Variants in GABRB2 observed in about 807,000 individuals in gnomAD.
GABRB2 encodes gamma-aminobutyric acid type A receptor subunit beta2.
GABRB2 carries 16 observed loss-of-function variants against 54.7 expected under a neutral mutation model. The observed-to-expected ratio is 0.29, with a 90% CI of 0.20 to 0.44. The LOEUF is 0.44. GABRB2 is among the 20% of genes least tolerant of loss of function. GABRB2 has a pLI of 1.00. For synonymous variants in GABRB2, 244 were observed against 233.8 expected (o/e 1.04, Z -0.40); for missense variants, 355 against 644.0 (o/e 0.55, Z 4.86).
chr5:161,454,741 C>G (rs1757899221), intron 4 of GABRB2, among the ~76,000 whole-genome samples: 1 of 151,956 alleles, frequency 6.6e-6, no homozygotes, highest in Non-Finnish European at 1.5e-5. Context: ...TCTAATTCAC[C>G]CCTCTTCCTA....
intron 9 of GABRB2, among the ~76,000 whole-genome samples, chr5:161,324,900 C>T (rs1321611977): frequency 2.0e-5 from 3 of 151,956 alleles, no homozygotes; most frequent in African/African-American, 4.8e-5. Context: ...GAGGTCTTAA[C>T]AAATTAGTGT....
intron 3 of GABRB2, among the ~76,000 whole-genome samples, chr5:161,515,631 G>C (rs1296414280): frequency 6.6e-6 from 1 of 152,134 alleles, no homozygotes; most frequent in East Asian, 1.9e-4. Flanking sequence ...AAGCTTGTTA[G>C]AGTTAAAGGT....
intron 9 of GABRB2, among the ~76,000 whole-genome samples, chr5:161,322,416 T>C (rs1758238853): frequency 6.6e-6 from 1 of 152,094 alleles, no homozygotes; most frequent in Admixed American, 6.6e-5. Flanking sequence ...TTGTACTTTT[T>C]CTAGAGACAG....
At chr5:161,461,389 AT>A (rs1758114584) in intron 3 of GABRB2, among the ~76,000 whole-genome samples, 1 of 152,170 alleles carries the variant, frequency 6.6e-6, no homozygotes, top group South Asian at 2.1e-4. Context: ...TGGGGTCCCA[AT>A]TCTACCATTT....
At chr5:161,445,704 A>C (rs1053296574) in intron 4 of GABRB2, among the ~76,000 whole-genome samples, 3 of 152,156 alleles carry the variant, frequency 2.0e-5, no homozygotes, top group African/African-American at 7.2e-5. Context: ...TATTGATAAT[A>C]ACTCTTTCAA....
At chr5:161,368,149 A>ACACACACACG (rs749548536) in intron 5 of GABRB2, among the ~76,000 whole-genome samples, 5 of 148,964 alleles carry the variant, frequency 3.4e-5, no homozygotes, top group Admixed American at 6.7e-5. Flanking sequence ...ACACACACAC[A>ACACACACACG]CTCTTCCACC....
intron 4 of GABRB2, among the ~76,000 whole-genome samples, chr5:161,457,687 C>T (rs1265301472): frequency 6.6e-6 from 1 of 152,042 alleles, no homozygotes; most frequent in Non-Finnish European, 1.5e-5. Context: ...ACCTCGTGAT[C>T]CGCCTGTTTT....
At chr5:161,474,575 T>A (rs906633553) in intron 3 of GABRB2, among the ~76,000 whole-genome samples, 1 of 151,948 alleles carries the variant, frequency 6.6e-6, no homozygotes, top group Non-Finnish European at 1.5e-5. Context: ...TACTTTTTAT[T>A]ATTATCAGTC....
intron 3 of GABRB2, among the ~76,000 whole-genome samples, chr5:161,533,476 T>A (rs139407780): frequency 6.6e-6 from 1 of 152,118 alleles, no homozygotes; most frequent in Non-Finnish European, 1.5e-5. Flanking sequence ...AAAGTATAGC[T>A]GTATAAATAT....
chr5:161,465,481 T>C (rs994546098), intron 3 of GABRB2, among the ~76,000 whole-genome samples: 1 of 152,140 alleles, frequency 6.6e-6, no homozygotes, highest in African/African-American at 2.4e-5. Context: ...AAACTCATGT[T>C]GTCATTTAAA....
chr5:161,508,171 TA>T (rs983960609), intron 3 of GABRB2, among the ~76,000 whole-genome samples: 1 of 151,718 alleles, frequency 6.6e-6, no homozygotes, highest in Non-Finnish European at 1.5e-5. Context: ...TTTCTAGATA[TA>T]AACCTATTTA....
chr5:161,301,170 A>G (rs1184534390), intron 9 of GABRB2, among the ~76,000 whole-genome samples: 1 of 152,160 alleles, frequency 6.6e-6, no homozygotes, highest in Non-Finnish European at 1.5e-5. Flanking sequence ...TTACCAAACT[A>G]TACAACTGCA....
At chr5:161,451,456 A>G (rs945334948) in intron 4 of GABRB2, among the ~76,000 whole-genome samples, 4 of 152,220 alleles carry the variant, frequency 2.6e-5, no homozygotes, top group African/African-American at 9.6e-5. Flanking sequence ...CAGTAGGAGT[A>G]TATACCCTGA....
intron 5 of GABRB2, among the ~76,000 whole-genome samples, chr5:161,395,772 C>A (rs910003228): frequency 7.2e-5 from 11 of 152,192 alleles, no homozygotes; most frequent in African/African-American, 2.6e-4. Context: ...TTTTCTGGTA[C>A]AATGACTTCC....
chr5:161,470,675 C>CGA (rs763381081), intron 3 of GABRB2, among the ~76,000 whole-genome samples: 1 of 151,750 alleles, frequency 6.6e-6, no homozygotes, highest in Non-Finnish European at 1.5e-5. Flanking sequence ...AGCGGGATGG[C>CGA]GAGAGATTTC....
At chr5:161,499,291 T>C (rs1449420337) in intron 3 of GABRB2, among the ~76,000 whole-genome samples, 1 of 152,164 alleles carries the variant, frequency 6.6e-6, no homozygotes, top group Non-Finnish European at 1.5e-5. Context: ...CCCCACTTAT[T>C]GTGGCTCAAA....
chr5:161,414,573 A>C (rs1431033491), intron 4 of GABRB2, among the ~76,000 whole-genome samples: 1 of 152,068 alleles, frequency 6.6e-6, no homozygotes, highest in East Asian at 1.9e-4. Context: ...TACTCCCTAC[A>C]TATACATGGA....
At chr5:161,494,443 T>G (rs1302418659) in intron 3 of GABRB2, among the ~76,000 whole-genome samples, 1 of 151,830 alleles carries the variant, frequency 6.6e-6, no homozygotes, top group East Asian at 1.9e-4. Context: ...ATGGTTGTTT[T>G]ACTGTATACT....
chr5:161,486,461 G>A (rs897607638), intron 3 of GABRB2, among the ~76,000 whole-genome samples: 7 of 151,868 alleles, frequency 4.6e-5, no homozygotes, highest in Admixed American at 1.3e-4. Flanking sequence ...AACAATGATG[G>A]ATTGCATTTT....
Sources: allele counts gnomAD v4.1 joint callset (sites outside exome capture counted in the v4.1 genomes callset), GRCh38; gene constraint gnomAD v4.1.1; transcripts MANE v1.5; gene names NCBI Gene and HGNC (gene_info 2026-07-23, HGNC 2026-07-21).